Variants in AP1S3 observed in about 807,000 individuals in gnomAD.
The protein encoded by AP1S3 is adaptor related protein complex 1 subunit sigma 3.
In AP1S3, 10 loss-of-function variants were observed where a neutral mutation model predicts 20.9. The ratio of observed to expected loss-of-function variants is 0.48; its 90% CI spans 0.29 to 0.81. The LOEUF is 0.81. AP1S3 is among the 30% of genes least tolerant of loss of function. AP1S3 has a pLI of 0.08. For missense variants in AP1S3, 154 were observed against 183.8 expected, an observed-to-expected ratio of 0.84 and a Z score of 0.94; for synonymous variants, 41 against 61.5, an observed-to-expected ratio of 0.67 and a Z score of 1.56.
At chr2:223,811,183 G>T (rs548272640) in intron 1 of AP1S3, among the ~76,000 whole-genome samples, 77 of 150,824 alleles carry the variant, frequency 5.1e-4, no homozygotes, top group African/African-American at 1.7e-3. Flanking sequence ...ACCTCTGCCC[G>T]CTGGGTTCAA....
intron 1 of AP1S3, among the ~76,000 whole-genome samples, chr2:223,793,180 T>C (rs1473757382): frequency 1.3e-5 from 2 of 152,176 alleles, no homozygotes; most frequent in East Asian, 1.9e-4. Context: ...CTCAAAGACC[T>C]ACAGGCAGAA....
chr2:223,814,312 G>A (rs1691796846), intron 1 of AP1S3, among the ~76,000 whole-genome samples: 2 of 152,140 alleles, frequency 1.3e-5, no homozygotes, highest in South Asian at 4.1e-4. Context: ...TGTTTTCTGT[G>A]TTAACAATGG....
chr2:223,775,964 A>C lies in AP1S3; in HGVS notation c.228T>G (p.Asn76Lys). The change falls in exon 3 of 5, where the codon AAT (asparagine) becomes AAG (lysine). Residue 76 changes from asparagine (N) to lysine (K), a missense_variant. Transcript: ENST00000396654. ...GCACAATCTCTAGCGTCAAGAGCTC[A>C]TTGTCCTGATTTTCTATTGCACAGC... ...YFCCAIENQDNELLTLEIVHR... is the reference protein window; with the variant it reads ...YFCCAIENQDKELLTLEIVHR... 3 of 1,614,124 alleles carry C rather than the reference A, an allele frequency of 1.9e-6. No individual in the cohort carries two copies. The highest frequency in any genetic ancestry group is 2.5e-6 in the Non-Finnish European group (3 of 1,179,974).
intron 1 of AP1S3, among the ~76,000 whole-genome samples, chr2:223,819,956 C>T (rs974611006): frequency 1.5e-4 from 23 of 150,802 alleles, no homozygotes; most frequent in Non-Finnish European, 2.2e-4. Context: ...TAATGTAACA[C>T]TTGCTAGATT....
intron 1 of AP1S3, among the ~76,000 whole-genome samples, chr2:223,826,399 C>A (rs7592070): frequency 0.48 from 73,435 of 151,820 alleles, 17,832 homozygotes; most frequent in Middle Eastern, 0.57. Flanking sequence ...TCGAGACCAG[C>A]CTGGCCAACA....
chr2:223,814,982 C>T (rs1329271335), intron 1 of AP1S3, among the ~76,000 whole-genome samples: 1 of 152,186 alleles, frequency 6.6e-6, no homozygotes, highest in Non-Finnish European at 1.5e-5. Flanking sequence ...ACTATGTTGC[C>T]AGGCTGGTCT....
chr2:223,769,890 G>A (rs557212357), intron 3 of AP1S3, among the ~76,000 whole-genome samples: 12 of 151,812 alleles, frequency 7.9e-5, no homozygotes, highest in Non-Finnish European at 1.2e-4. Flanking sequence ...GACTACAGGC[G>A]CCCGCTACCT....
intron 1 of AP1S3, among the ~76,000 whole-genome samples, chr2:223,812,362 T>C (rs1385348704): frequency 1.3e-5 from 2 of 152,114 alleles, no homozygotes; most frequent in Non-Finnish European, 2.9e-5. Context: ...GCTGGGATTA[T>C]AGGCACGCGC....
At position 223,759,601 on chromosome 2, in the gene AP1S3, A is replaced by G. The variant is rs527301833; in HGVS notation, c.430-851T>C. ...CATATGTTTTCAAAGGCTTCCTCCC[A>G]AAGTATACAAATTATGTTTCTTTTT... On this transcript the variant is annotated intron_variant, in intron 4 of 4. Transcript: ENST00000396654. Among the ~76,000 whole-genome samples the G allele has an allele frequency of 8.9e-4, 135 of 152,358 alleles. 1 individual carries two copies. The South Asian group carries it at 0.028, about 31-fold the overall frequency.
At chr2:223,763,913 T>C (rs1280435347) in intron 4 of AP1S3, among the ~76,000 whole-genome samples, 2 of 152,006 alleles carry the variant, frequency 1.3e-5, no homozygotes, top group African/African-American at 4.8e-5. Flanking sequence ...AATGCCAGTT[T>C]TACTTATTTA....
Position 223,770,275 on chromosome 2 carries a change from G to C in AP1S3, c.292-4925C>G, listed in dbSNP as rs1182940117. On this transcript the variant is annotated intron_variant, in intron 3 of 4. Coordinates refer to ENST00000396654, the MANE Select transcript of AP1S3 (RefSeq NM_001039569.2). ...CGGAGTTCAAGGCAGGCGTAGACCA[G>C]GAATCCAAGACAGACAGGAGCCTCA... The C allele has an allele frequency of 3.2e-6, 5 of 1,550,450 alleles. No homozygotes were observed. The African/African-American group carries it at 5.5e-5, about 17-fold the overall frequency.
At chr2:223,768,040 G>C (rs995357482) in intron 3 of AP1S3, among the ~76,000 whole-genome samples, 2 of 152,254 alleles carry the variant, frequency 1.3e-5, no homozygotes, top group East Asian at 3.9e-4. Context: ...CAGGGCCATT[G>C]ACCACTAATG....
chr2:223,828,912 G>A (rs182685632), intron 1 of AP1S3, among the ~76,000 whole-genome samples: 150 of 152,198 alleles, frequency 9.9e-4, no homozygotes, highest in South Asian at 3.1e-3. Context: ...GCGCGATCTC[G>A]GCTCACTGCA....
Position 223,758,127 on chromosome 2 carries a change from T to C in AP1S3, c.*588A>G. Reference sequence around the variant, plus strand: ...TTAAGTTCTATACTCTTTGGTTATTTTCATAATCCCAATTCTAAAAAAAAT... The same window carrying C: ...TTAAGTTCTATACTCTTTGGTTATTCTCATAATCCCAATTCTAAAAAAAAT... On this transcript the variant is annotated 3_prime_UTR_variant, in exon 5 of 5. Transcript: ENST00000396654. The C allele has an allele frequency of 1.0e-6, 1 of 972,208 alleles. No homozygotes were observed. The highest frequency in any genetic ancestry group is 1.2e-6 in the Non-Finnish European group (1 of 822,370). 60.2% of individuals were successfully genotyped at this position (972,208 alleles called of 1,614,324 possible). A position where few individuals can be genotyped will look rare whatever the true frequency, so the allele number is the denominator to read the frequency against.
chr2:223,816,722 A>G (rs1691851846), intron 1 of AP1S3, among the ~76,000 whole-genome samples: 1 of 152,234 alleles, frequency 6.6e-6, no homozygotes, highest in South Asian at 2.1e-4. Context: ...ACTGCTGTTT[A>G]CCAATATGAG....
intron 3 of AP1S3, chr2:223,773,265 G>A (rs1690676446): frequency 4.6e-6 from 6 of 1,294,098 alleles, no homozygotes; most frequent in South Asian, 1.3e-5. Flanking sequence ...AGGTCAAGCC[G>A]GAGTTCAGAA....
At chr2:223,784,137 T>G (rs1341745484) in intron 1 of AP1S3, among the ~76,000 whole-genome samples, 3 of 152,168 alleles carry the variant, frequency 2.0e-5, no homozygotes, top group Admixed American at 2.0e-4. Flanking sequence ...AAGAGGGCTT[T>G]GCAAATTGGT....
chr2:223,756,269 G>A lies in AP1S3; in HGVS notation c.*2446C>T, dbSNP rs537076519. Reference sequence around the variant, plus strand: ...GGAGAATCGTTTGAACCCAGGAGACGGAGGCTGCAGTGACCTGAGATCACA... The same window carrying A: ...GGAGAATCGTTTGAACCCAGGAGACAGAGGCTGCAGTGACCTGAGATCACA... On this transcript the variant is annotated 3_prime_UTR_variant, in exon 5 of 5. Transcript: ENST00000396654. Among the ~76,000 whole-genome samples, 5 of 152,010 alleles carry A rather than the reference G, an allele frequency of 3.3e-5. No homozygotes were observed. Among genetic ancestry groups the A allele is most frequent in the East Asian group, 1.9e-4 (1 of 5,136 alleles).
At chr2:223,765,184 T>C (rs867310803) in intron 4 of AP1S3, 29 bp downstream of exon 4, 1 of 1,448,556 alleles carries the variant, frequency 6.9e-7, no homozygotes, top group Admixed American at 2.1e-5. Flanking sequence ...TCATCATCTT[T>C]CTCCCATGGT....
Sources: allele counts gnomAD v4.1 joint callset (sites outside exome capture counted in the v4.1 genomes callset), GRCh38; gene constraint gnomAD v4.1.1; transcripts MANE v1.5; gene names NCBI Gene and HGNC (gene_info 2026-07-23, HGNC 2026-07-21).